The following MRPS6 variants were observed in gnomAD, a reference collection of about 807,000 sequenced individuals.
MRPS6 encodes small ribosomal subunit protein bS6m.
MRPS6 carries 6 observed loss-of-function variants against 13.1 expected under a neutral mutation model. That is an observed-to-expected ratio of 0.46 (90% CI 0.25 to 0.91). The LOEUF (loss-of-function observed/expected upper bound fraction) is 0.91. MRPS6 is among the 40% of genes least tolerant of loss of function. The pLI is 0.18. For missense variants in MRPS6, 164 were observed against 155.6 expected (o/e 1.05, Z -0.29); for synonymous variants, 61 against 56.5 (o/e 1.08, Z -0.36).
Position 34,122,731 on chromosome 21 carries a change from G to A in MRPS6, c.46-2610G>A, listed in dbSNP as rs149875866. ...ATGTTTTTTTCCTTTTTTTTTTTGA[G>A]TGCAAAGCTGAGACCCGACTCTTTA... On this transcript the variant is annotated intron_variant, in intron 1 of 2. Transcript: ENST00000399312. 1.9e-4 allele frequency: 28 copies of A among 150,248 alleles called. No individual in the cohort carries two copies. The East Asian group carries it at 5.2e-3, about 28-fold the overall frequency. 9.3% of individuals were successfully genotyped at this position (150,248 alleles called of 1,614,324 possible).
At chr21:34,125,753 C>T (rs928464119) in intron 2 of MRPS6, among the ~76,000 whole-genome samples, 1 of 152,188 alleles carries the variant, frequency 6.6e-6, no homozygotes, top group African/African-American at 2.4e-5. Context: ...AACCTTAGCA[C>T]TGTTTTCCCT....
intron 2 of MRPS6, among the ~76,000 whole-genome samples, chr21:34,137,459 T>C (rs76830014): frequency 0.021 from 3,210 of 152,342 alleles, 111 homozygotes; most frequent in African/African-American, 0.072. Context: ...TTTTGTATCT[T>C]GCAATCCTGC....
At chr21:34,083,118 C>G (rs566738766) in intron 1 of MRPS6, among the ~76,000 whole-genome samples, 1 of 152,170 alleles carries the variant, frequency 6.6e-6, no homozygotes, top group Non-Finnish European at 1.5e-5. Context: ...AACACCTACC[C>G]TGGAGTGGTT....
chr21:34,098,640 T>C (rs1320203641), intron 1 of MRPS6: 1 of 1,000,160 alleles, frequency 1.0e-6, no homozygotes, highest in African/African-American at 1.7e-5. Flanking sequence ...ATAGCATGTT[T>C]GAGAGGTGCC....
At chr21:34,101,180 C>A (rs1424341581) in intron 1 of MRPS6, 1 of 999,866 alleles carries the variant, frequency 1.0e-6, no homozygotes, top group African/African-American at 1.7e-5. Context: ...GATATTAGCC[C>A]GTTGGTAAAA....
chr21:34,099,544 T>C, intron 1 of MRPS6: 2 of 999,984 alleles, frequency 2.0e-6, no homozygotes, highest in Non-Finnish European at 1.2e-6. Flanking sequence ...ATAATTGACA[T>C]ATTGGCTGGG....
At chr21:34,116,577 T>G (rs560376418) in intron 1 of MRPS6, among the ~76,000 whole-genome samples, 2 of 142,948 alleles carry the variant, frequency 1.4e-5, no homozygotes, top group Non-Finnish European at 3.0e-5. Flanking sequence ...GTAGTTTGCT[T>G]AAATTCCTAG....
intron 1 of MRPS6, among the ~76,000 whole-genome samples, chr21:34,082,256 T>A (rs1176151034): frequency 6.6e-6 from 1 of 152,188 alleles, no homozygotes; most frequent in Non-Finnish European, 1.5e-5. Flanking sequence ...TAGGACTGAT[T>A]TCAGCAATGG....
Position 34,096,647 on chromosome 21 carries a change from C to A in MRPS6, c.45+22902C>A. On this transcript the variant is annotated intron_variant, in intron 1 of 2. Transcript: ENST00000399312. The surrounding 1 kb of genome is among the most constrained non-coding windows in gnomAD (Gnocchi z 5.9). The stretch of plus-strand genomic sequence containing the variant: ...TGGCTGGCTTTGTTCTTGGAGCAGT[C>A]CGTTTGATACTGGCCTTTGCCTACC... 6.2e-7 allele frequency: 1 copy of A among 1,614,154 alleles called. No homozygotes were observed. The highest frequency in any genetic ancestry group is 2.2e-5 in the East Asian group (1 of 44,880).
At chr21:34,094,015 CAT>C (rs1294134550) in intron 1 of MRPS6, among the ~76,000 whole-genome samples, 4 of 152,168 alleles carry the variant, frequency 2.6e-5, no homozygotes, top group Admixed American at 6.5e-5. Context: ...AAAAGGAAAA[CAT>C]AAAATCACGC....
At chr21:34,113,398 G>T (rs1979782812) in intron 1 of MRPS6, among the ~76,000 whole-genome samples, 1 of 152,136 alleles carries the variant, frequency 6.6e-6, no homozygotes, top group Non-Finnish European at 1.5e-5. Context: ...CCATAAAAAA[G>T]GAAATCCTGT....
At chr21:34,133,746 C>A in intron 2 of MRPS6, among the ~76,000 whole-genome samples, 1 of 152,160 alleles carries the variant, frequency 6.6e-6, no homozygotes, top group East Asian at 1.9e-4. Context: ...AAGCACAGGG[C>A]TTCAAATGGA....
chr21:34,103,317 A>T lies in MRPS6; in HGVS notation c.46-22024A>T, dbSNP rs1197821394. The T allele has an allele frequency of 7.9e-6, 6 of 764,266 alleles. No individual in the cohort carries two copies. The East Asian group carries it at 3.8e-4, about 48-fold the overall frequency. 47.3% of individuals were successfully genotyped at this position (764,266 alleles called of 1,614,324 possible). A position where few individuals can be genotyped will look rare whatever the true frequency, so the allele number is the denominator to read the frequency against. ...TTTGTCGTAACTAGTGAAGGAAGTA[A>T]AAAAAAAAAAAAAACATGCATTACA... is the stretch of plus-strand genomic sequence containing the variant. On this transcript the variant is annotated intron_variant, in intron 1 of 2. Transcript: ENST00000399312.
At chr21:34,089,370 C>T (rs1451937610) in intron 1 of MRPS6, among the ~76,000 whole-genome samples, 3 of 151,602 alleles carry the variant, frequency 2.0e-5, no homozygotes, top group Admixed American at 2.0e-4. Flanking sequence ...TGGGAGTTTG[C>T]TCCTATATGT....
At chr21:34,134,584 TCA>T (rs1275290347) in intron 2 of MRPS6, among the ~76,000 whole-genome samples, 4 of 152,326 alleles carry the variant, frequency 2.6e-5, no homozygotes, top group African/African-American at 9.6e-5. Context: ...ACTCACAGAA[TCA>T]CCACGGTCAA....
rs1011540343 is a variant in MRPS6, at chr21:34,142,673, T to C, written c.*73T>C. On this transcript the variant is annotated 3_prime_UTR_variant, in exon 3 of 3. Transcript: ENST00000399312. ...GCAGCATGGACGAGAAGGAAGAATT[T>C]GCAAGTTTGGCCTTTATATAAGCAT... 12 of 1,458,456 alleles carry C rather than the reference T, an allele frequency of 8.2e-6. No homozygotes were observed. Among genetic ancestry groups the C allele is most frequent in the Non-Finnish European group, 9.9e-6 (11 of 1,110,980 alleles). 90.3% of individuals were successfully genotyped at this position (1,458,456 alleles called of 1,614,324 possible). A position where few individuals can be genotyped will look rare whatever the true frequency, so the allele number is the denominator to read the frequency against.
chr21:34,101,417 G>A, intron 1 of MRPS6: 1 of 1,000,168 alleles, frequency 1.0e-6, no homozygotes, highest in Non-Finnish European at 1.2e-6. Context: ...TGAGGCTTCA[G>A]TATTTGTAAG....
At chr21:34,128,054 TG>T (rs2123259502) in intron 2 of MRPS6, among the ~76,000 whole-genome samples, 1 of 152,344 alleles carries the variant, frequency 6.6e-6, no homozygotes, top group Non-Finnish European at 1.5e-5. Flanking sequence ...CATTCTATCA[TG>T]GTACTGTTGG....
At chr21:34,134,235 A>T (rs1165601367) in intron 2 of MRPS6, among the ~76,000 whole-genome samples, 1 of 152,220 alleles carries the variant, frequency 6.6e-6, no homozygotes, top group Admixed American at 6.5e-5. Flanking sequence ...GTGGAATTAA[A>T]CCTTGGAAAA....
Sources: gnomAD v4.1 joint callset for allele counts (sites outside exome capture counted in the v4.1 genomes callset) on GRCh38, gnomAD v4.1.1 for gene constraint, Gnocchi (gnomAD v3.1) non-coding constraint, MANE v1.5 for transcripts, NCBI Gene and HGNC (gene_info 2026-07-23, HGNC 2026-07-21) for gene names.